Variants in CNTRL observed in about 807,000 individuals in gnomAD.
CNTRL encodes centriolin.
A neutral mutation model predicts 303.7 loss-of-function variants in CNTRL; 233 were observed. The observed-to-expected ratio is 0.77, with a 90% confidence interval of 0.69 to 0.86. CNTRL has a LOEUF of 0.86. Among genes scored for constraint, CNTRL ranks in the 40% least tolerant of loss-of-function variants. The pLI is 0.00. For missense variants in CNTRL, 2,524 were observed against 2,650.6 expected (o/e 0.95, Z 1.05); for synonymous variants, 900 against 922.2 (o/e 0.98, Z 0.44).
intron 38 of CNTRL, 36 bp from the exon 39 acceptor site, chr9:121,169,575 G>A (rs761462432): frequency 6.2e-7 from 1 of 1,608,700 alleles, no homozygotes. Context: ...CTGGCTCGGG[G>A]TCTTTGGCTA....
intron 4 of CNTRL, 78 bp downstream of exon 4, chr9:121,090,483 CTAA>C (rs2048519100): frequency 1.8e-5 from 23 of 1,295,468 alleles, no homozygotes; most frequent in Non-Finnish European, 2.4e-5. Flanking sequence ...AAAAATTATC[CTAA>C]TGTCACCTAA....
intron 40 of CNTRL, among the ~76,000 whole-genome samples, chr9:121,172,820 G>A (rs1022333703): frequency 4.6e-5 from 7 of 152,142 alleles, no homozygotes; most frequent in Admixed American, 3.9e-4. Context: ...GGTGCTTCAT[G>A]TAAATTCTCA....
intron 13 of CNTRL, 60 bp from the exon 14 acceptor site, chr9:121,125,656 T>A (rs2050475697): frequency 2.8e-6 from 4 of 1,403,556 alleles, no homozygotes; most frequent in East Asian, 4.6e-5. Context: ...AACAAAATGC[T>A]GAGCAGACAA....
chr9:121,152,447 A>T lies in CNTRL; in HGVS notation c.3964-38A>T, dbSNP rs748189562. 6.6e-6 allele frequency: 10 copies of T among 1,516,804 alleles called. No homozygotes were observed. The Admixed American group carries it at 1.7e-4, about 26-fold the overall frequency. The allele number at this position is 1,516,804 out of a possible 1,614,324, so 94.0% of individuals were successfully genotyped here. On this transcript the variant is annotated intron_variant, in intron 25 of 43. Transcript: ENST00000373855. ...CAGGAAAGAGAGGAAACATCCTGTG[A>T]TGTTTCAGCACTGCATTTTTTTCCC...
At chr9:121,111,070 A>C (rs2049725622) in intron 8 of CNTRL, 4 of 152,146 alleles carry the variant, frequency 2.6e-5, no homozygotes. Flanking sequence ...AGAGAACCCA[A>C]GATTAGTTGA....
chr9:121,107,948 CAG>C lies in CNTRL; in HGVS notation c.958_959del (p.Ser320LeufsTer2), dbSNP rs766225655. The C allele has an allele frequency of 1.2e-6, 2 of 1,602,002 alleles. No homozygotes were observed. The highest frequency in any genetic ancestry group is 1.7e-6 in the Non-Finnish European group (2 of 1,176,580). ...SLKEEAMLQK[Q>X]SCEELKSDLN... The stretch of plus-strand genomic sequence containing the variant: ...AAAAGAGGAGGCCATGTTACAGAAA[CAG>C]AGCTGTGAGGAACTCAAGAGTGACT... On this transcript the variant is annotated frameshift_variant, in exon 8 of 44. Coordinates refer to ENST00000373855, the MANE Select transcript of CNTRL (RefSeq NM_007018.6). LOFTEE classifies it high-confidence loss of function.
intron 43 of CNTRL, among the ~76,000 whole-genome samples, chr9:121,176,253 G>T (rs912197881): frequency 2.0e-5 from 3 of 152,196 alleles, no homozygotes; most frequent in Non-Finnish European, 4.4e-5. Flanking sequence ...AGGACTTGCG[G>T]GCTAATCTAT....
chr9:121,142,958 A>G (rs1196781234), intron 19 of CNTRL, among the ~76,000 whole-genome samples: 2 of 150,842 alleles, frequency 1.3e-5, no homozygotes, highest in Non-Finnish European at 3.0e-5. Flanking sequence ...GCCCTTTTCT[A>G]CTGTTTTATT....
chr9:121,154,651 T>A, intron 26 of CNTRL, 70 bp from the exon 27 acceptor site: 1 of 847,054 alleles, frequency 1.2e-6, no homozygotes, highest in South Asian at 1.7e-5. Context: ...ATCTTTTTAG[T>A]AGTTAGGCTA....
chr9:121,148,630 C>A, intron 23 of CNTRL, 42 bp from the exon 24 acceptor site: 1 of 1,534,680 alleles, frequency 6.5e-7, no homozygotes, highest in Non-Finnish European at 8.8e-7. Flanking sequence ...ATCAGCCTTT[C>A]CATTTATAAT....
At chr9:121,135,328 C>T (rs1431200794) in intron 14 of CNTRL, among the ~76,000 whole-genome samples, 1 of 152,180 alleles carries the variant, frequency 6.6e-6, no homozygotes, top group East Asian at 1.9e-4. Flanking sequence ...TGCTGACTAT[C>T]CTTTTTCTAG....
At chr9:121,146,797 G>A (rs887845977) in intron 23 of CNTRL, among the ~76,000 whole-genome samples, 43 of 152,338 alleles carry the variant, frequency 2.8e-4, no homozygotes, top group Middle Eastern at 6.8e-3. Context: ...CATCTGATGG[G>A]AAGTTCAGGA....
chr9:121,093,554 G>T (rs1217429951), intron 4 of CNTRL, among the ~76,000 whole-genome samples: 1 of 152,190 alleles, frequency 6.6e-6, no homozygotes, highest in Non-Finnish European at 1.5e-5. Context: ...ATGGAAGACA[G>T]AATGAACAAA....
At chr9:121,087,054 A>T (rs567550327) in intron 2 of CNTRL, among the ~76,000 whole-genome samples, 3 of 152,340 alleles carry the variant, frequency 2.0e-5, no homozygotes, top group East Asian at 3.9e-4. Context: ...AGAAGCTGTT[A>T]TAGTAGTTTG....
At chr9:121,110,033 TATC>T (rs1658902265) in intron 8 of CNTRL, among the ~76,000 whole-genome samples, 1 of 152,136 alleles carries the variant, frequency 6.6e-6, no homozygotes. Context: ...CTAATGATAA[TATC>T]ATCTGTGATT....
At position 121,099,227 on chromosome 9, in the gene CNTRL, A is replaced by G. The variant is rs552816836; in HGVS notation, c.808+655A>G. ...CTTCCAGAGGAACAATCAGGCAGCAACATTTGCCGTTCTGCAATATATGCC... is the reference window on the plus strand; with the variant it reads ...CTTCCAGAGGAACAATCAGGCAGCAGCATTTGCCGTTCTGCAATATATGCC... On this transcript the variant is annotated intron_variant, in intron 7 of 43. Coordinates refer to ENST00000373855, the MANE Select transcript of CNTRL (RefSeq NM_007018.6). 1.5e-3 allele frequency among the ~76,000 whole-genome samples: 235 copies of G among 152,318 alleles called. 1 individual carries two copies. The highest frequency in any genetic ancestry group is 5.5e-3 in the African/African-American group (228 of 41,562).
At position 121,112,571 on chromosome 9, in the gene CNTRL, C is replaced by T. The variant is rs2049794452; in HGVS notation, c.1115C>T (p.Pro372Leu). 1 of 1,612,190 alleles carries T rather than the reference C, an allele frequency of 6.2e-7. No homozygotes were observed. Among genetic ancestry groups the T allele is most frequent in the Non-Finnish European group, 8.5e-7 (1 of 1,178,714 alleles). ...DAKFEPLNYY[P>L]SEYAEIDKAP... ...AAATTTGAGCCACTAAATTATTATC[C>T]ATCAGAGGTGAGTTATTTTAATTTT... The change falls in exon 9 of 44, where the codon CCA (proline) becomes CTA (leucine). Residue 372 changes from proline to leucine, a missense_variant. Physicochemically the swap from Pro to Leu is moderately conservative, Grantham distance 98. Coordinates refer to ENST00000373855, the MANE Select transcript of CNTRL (RefSeq NM_007018.6).
chr9:121,125,011 G>T (rs1256965829), intron 13 of CNTRL, among the ~76,000 whole-genome samples: 1 of 151,326 alleles, frequency 6.6e-6, no homozygotes, highest in Non-Finnish European at 1.5e-5. Flanking sequence ...ATCCAGTACT[G>T]TACATGGGAT....
intron 16 of CNTRL, among the ~76,000 whole-genome samples, chr9:121,140,111 C>CT (rs2051417061): frequency 6.6e-6 from 1 of 152,210 alleles, no homozygotes. Flanking sequence ...GCTGCTCTGC[C>CT]TTTCATGTTG....
Sources: allele counts gnomAD v4.1 joint callset (sites outside exome capture counted in the v4.1 genomes callset), GRCh38; gene constraint gnomAD v4.1.1; transcripts MANE v1.5; gene names NCBI Gene and HGNC (gene_info 2026-07-23, HGNC 2026-07-21).